Variants in ANO1 observed in about 807,000 individuals in gnomAD.
ANO1 encodes the protein anoctamin 1.
A neutral mutation model predicts 124.0 loss-of-function variants in ANO1; 59 were observed. The ratio of observed to expected loss-of-function variants is 0.48; its 90% confidence interval spans 0.39 to 0.59. The LOEUF is 0.59. Among genes scored for constraint, ANO1 ranks in the 20% least tolerant of loss-of-function variants. The pLI is 0.00. For missense variants in ANO1, 1,059 were observed against 1,328.0 expected (o/e 0.80, Z 3.15); for synonymous variants, 529 against 532.0 (o/e 0.99, Z 0.08).
intron 7 of ANO1, among the ~76,000 whole-genome samples, chr11:70,112,280 G>C (rs1225080565): frequency 6.6e-6 from 1 of 152,258 alleles, no homozygotes. Flanking sequence ...AGGGACTCAA[G>C]TTCAGCAGGG....
chr11:70,176,443 G>A (rs183228851), intron 22 of ANO1, among the ~76,000 whole-genome samples: 120 of 152,080 alleles, frequency 7.9e-4, no homozygotes, highest in African/African-American at 2.8e-3. Flanking sequence ...CACCACACCC[G>A]GCCTATTTTT....
intron 1 of ANO1, among the ~76,000 whole-genome samples, chr11:70,024,021 G>T (rs577871888): frequency 6.6e-6 from 1 of 152,210 alleles, no homozygotes; most frequent in Non-Finnish European, 1.5e-5. Context: ...GAATCCGGGG[G>T]TCTAATGTTT....
At chr11:70,028,155 G>A (rs568600660) in intron 1 of ANO1, among the ~76,000 whole-genome samples, 35 of 152,342 alleles carry the variant, frequency 2.3e-4, no homozygotes, top group African/African-American at 8.2e-4. Flanking sequence ...TCTGTCAGGT[G>A]TGACCCGAAG....
At chr11:70,081,486 G>A (rs2135183149) in intron 1 of ANO1, among the ~76,000 whole-genome samples, 1 of 152,330 alleles carries the variant, frequency 6.6e-6, no homozygotes, top group East Asian at 1.9e-4. Context: ...GACAAAGGAA[G>A]TTTAAAACTG....
intron 1 of ANO1, among the ~76,000 whole-genome samples, chr11:70,033,762 C>G (rs1219026484): frequency 6.6e-6 from 1 of 152,102 alleles, no homozygotes; most frequent in Non-Finnish European, 1.5e-5. Context: ...TGGCCATGCT[C>G]ATTCATTCCA....
exon 1 of ANO1, chr11:69,986,067 C>T (rs1256111090): frequency 3.3e-5 from 5 of 152,226 alleles, no homozygotes; most frequent in African/African-American, 7.2e-5. Flanking sequence ...AGTCTGGACT[C>T]GCTAGGTCCC....
At chr11:70,097,974 G>T (rs11234013) in intron 2 of ANO1, among the ~76,000 whole-genome samples, 1 of 152,336 alleles carries the variant, frequency 6.6e-6, no homozygotes, top group South Asian at 2.1e-4. Context: ...CTGAAAACTC[G>T]CCTGGTCATG....
chr11:69,980,416 C>T, the ANO1 span, among the ~76,000 whole-genome samples: 4 of 151,460 alleles, frequency 2.6e-5, no homozygotes, highest in South Asian at 2.1e-4. Context: ...GAGGTCAGAT[C>T]GAGACCATCC....
At chr11:69,994,704 A>G (rs551433820) in intron 1 of ANO1, among the ~76,000 whole-genome samples, 1 of 152,320 alleles carries the variant, frequency 6.6e-6, no homozygotes, top group Admixed American at 6.5e-5. Flanking sequence ...CACATCAAAA[A>G]TAGACCCAAA....
intron 1 of ANO1, among the ~76,000 whole-genome samples, chr11:69,989,713 CA>C (rs1338724911): frequency 2.6e-5 from 4 of 152,230 alleles, no homozygotes; most frequent in African/African-American, 9.6e-5. Context: ...GCTGATGGGC[CA>C]GGGGCAGAAG....
chr11:70,177,562 A>G (rs1387986835), intron 22 of ANO1, among the ~76,000 whole-genome samples: 1 of 141,872 alleles, frequency 7.0e-6, no homozygotes, highest in Non-Finnish European at 1.5e-5. Context: ...ACCAGAGCCG[A>G]GGAGTCTCGA....
chr11:70,020,118 G>A (rs964822109), intron 1 of ANO1, among the ~76,000 whole-genome samples: 4 of 152,344 alleles, frequency 2.6e-5, no homozygotes, highest in Middle Eastern at 3.4e-3. Context: ...AGCTGGGGCA[G>A]ATGTTTAAAG....
chr11:70,108,876 C>T (rs1473617253), intron 6 of ANO1, among the ~76,000 whole-genome samples: 2 of 152,198 alleles, frequency 1.3e-5, no homozygotes, highest in Non-Finnish European at 2.9e-5. Flanking sequence ...AGCCTAATTC[C>T]GGAAGCTGCC....
At chr11:69,997,549 C>T (rs1554998585) in intron 1 of ANO1, among the ~76,000 whole-genome samples, 2 of 152,162 alleles carry the variant, frequency 1.3e-5, no homozygotes, top group African/African-American at 4.8e-5. Flanking sequence ...CCCGTCCCAA[C>T]GGCAGCCACA....
chr11:70,045,992 G>A (rs1334617591), intron 1 of ANO1, among the ~76,000 whole-genome samples: 1 of 152,178 alleles, frequency 6.6e-6, no homozygotes, highest in Non-Finnish European at 1.5e-5. Context: ...ACCAAGTGAG[G>A]GAGAGGATGG....
chr11:70,073,368 G>A (rs1402082459), upstream of ANO1, among the ~76,000 whole-genome samples: 3 of 152,224 alleles, frequency 2.0e-5, no homozygotes, highest in African/African-American at 7.2e-5. Flanking sequence ...CCAGGAGGGT[G>A]CGTCCGTCCG....
chr11:70,024,457 G>A (rs950836851), intron 1 of ANO1, among the ~76,000 whole-genome samples: 1 of 152,214 alleles, frequency 6.6e-6, no homozygotes, highest in Non-Finnish European at 1.5e-5. Context: ...TTCCCCTGCA[G>A]AGAATAGCTC....
the ANO1 span, among the ~76,000 whole-genome samples, chr11:69,980,300 C>T: frequency 2.6e-5 from 4 of 152,024 alleles, no homozygotes; most frequent in African/African-American, 4.8e-5. Context: ...GAGCATTCCA[C>T]GGGTGCAGAG....
chr11:70,040,321 G>A (rs1257526099), intron 1 of ANO1, among the ~76,000 whole-genome samples: 1 of 152,060 alleles, frequency 6.6e-6, no homozygotes, highest in Admixed American at 6.6e-5. Context: ...AAGACAAAGG[G>A]CCCATGCACT....
Sources: allele counts gnomAD v4.1 joint callset (sites outside exome capture counted in the v4.1 genomes callset), GRCh38; gene constraint gnomAD v4.1.1; transcripts MANE v1.5; gene names NCBI Gene and HGNC (gene_info 2026-07-23, HGNC 2026-07-21).